Variants in UNC79 observed in about 807,000 individuals in gnomAD.
UNC79 encodes protein unc-79 homolog.
UNC79 carries 37 observed loss-of-function variants against 283.1 expected under a neutral mutation model. That is an observed-to-expected ratio of 0.13 (90% CI 0.10 to 0.17). The LOEUF (loss-of-function observed/expected upper bound fraction) is 0.17. Ranked by LOEUF, UNC79 falls within the 10% of genes least tolerant of loss-of-function variation. UNC79 has a pLI of 1.00. For missense variants in UNC79, 2,272 were observed against 3,211.1 expected (o/e 0.71, Z 7.07); for synonymous variants, 1,107 against 1,200.2 (o/e 0.92, Z 1.61).
intron 1 of UNC79, among the ~76,000 whole-genome samples, chr14:93,417,971 C>T (rs1272991633): frequency 6.6e-6 from 1 of 151,728 alleles, no homozygotes; most frequent in East Asian, 1.9e-4. Flanking sequence ...GTTTGAATTT[C>T]CTCCTGTAGC....
intron 1 of UNC79, among the ~76,000 whole-genome samples, chr14:93,377,101 T>C (rs1001669191): frequency 2.1e-5 from 3 of 144,206 alleles, no homozygotes; most frequent in African/African-American, 7.6e-5. Context: ...TGTTTCTTTT[T>C]TTTTTTTTTT....
chr14:93,535,849 A>G (rs968186827), intron 11 of UNC79, among the ~76,000 whole-genome samples: 1 of 152,170 alleles, frequency 6.6e-6, no homozygotes, highest in African/African-American at 2.4e-5. Flanking sequence ...CTGTCATGCT[A>G]TATTGGTTGA....
chr14:93,399,463 C>A (rs1276578303), intron 1 of UNC79, among the ~76,000 whole-genome samples: 1 of 152,172 alleles, frequency 6.6e-6, no homozygotes. Context: ...AGATACACAG[C>A]ATTAATTAAT....
At chr14:93,577,303 C>T (rs1173975489) in intron 17 of UNC79, among the ~76,000 whole-genome samples, 1 of 152,178 alleles carries the variant, frequency 6.6e-6, no homozygotes, top group South Asian at 2.1e-4. Context: ...ACTTCTTGGG[C>T]ATAGAGTAGG....
chr14:93,366,212 T>C (rs946320119), intron 1 of UNC79, among the ~76,000 whole-genome samples: 4 of 152,204 alleles, frequency 2.6e-5, no homozygotes, highest in African/African-American at 9.6e-5. Context: ...TTCAGGTGGA[T>C]TGTGGGTTGT....
rs79353685 is a variant in UNC79, at chr14:93,466,624, A to G, written c.23-1047A>G. On this transcript the variant is annotated intron_variant, in intron 1 of 48. Transcript: ENST00000555664. Reference sequence around the variant, plus strand: ...TGAGTTAGAATGCATCCAGGAGCTTATTTCCGTGGGTTATTGGGAACAGCA... The same window carrying G: ...TGAGTTAGAATGCATCCAGGAGCTTGTTTCCGTGGGTTATTGGGAACAGCA... Among the ~76,000 whole-genome samples the G allele has an allele frequency of 4.6e-3, 700 of 152,282 alleles. 3 individuals carry two copies. The highest frequency in any genetic ancestry group is 0.016 in the African/African-American group (665 of 41,552).
intron 1 of UNC79, among the ~76,000 whole-genome samples, chr14:93,396,196 C>T (rs1440517095): frequency 3.4e-5 from 5 of 149,078 alleles, no homozygotes; most frequent in African/African-American, 9.9e-5. Context: ...TTTTTCCTTT[C>T]AGTTTTTGTT....
chr14:93,338,988 C>T (rs1383011928), intron 1 of UNC79, among the ~76,000 whole-genome samples: 1 of 152,120 alleles, frequency 6.6e-6, no homozygotes, highest in Non-Finnish European at 1.5e-5. Flanking sequence ...TGGGCAGACC[C>T]CTTAACCAGA....
chr14:93,629,435 C>A (rs7149248), intron 30 of UNC79, among the ~76,000 whole-genome samples: 5,646 of 152,176 alleles, frequency 0.037, 347 homozygotes, highest in African/African-American at 0.13. Context: ...TCATAGCTGA[C>A]CTTTACTATC....
At chr14:93,377,139 C>T (rs1286505984) in intron 1 of UNC79, among the ~76,000 whole-genome samples, 1 of 148,810 alleles carries the variant, frequency 6.7e-6, no homozygotes, top group African/African-American at 2.5e-5. Context: ...CGCTCTGTCA[C>T]CCAGGCTGGA....
chr14:93,616,999 G>T, intron 27 of UNC79, 123 bp from the exon 29 acceptor site: 1 of 780,186 alleles, frequency 1.3e-6, no homozygotes, highest in Non-Finnish European at 2.0e-6. Context: ...TATTCTGTGG[G>T]ATGCCTGTTA....
intron 8 of UNC79, 107 bp downstream of exon 8, chr14:93,524,149 G>A: frequency 8.0e-7 from 1 of 1,247,860 alleles, no homozygotes; most frequent in African/African-American, 1.5e-5. Context: ...CATGTCCTCT[G>A]TAGTAATTCG....
chr14:93,614,724 T>C (rs1214035490), intron 27 of UNC79, among the ~76,000 whole-genome samples: 1 of 152,006 alleles, frequency 6.6e-6, no homozygotes, highest in Non-Finnish European at 1.5e-5. Flanking sequence ...TGCCACACCA[T>C]CATCACTGGC....
intron 31 of UNC79, among the ~76,000 whole-genome samples, chr14:93,631,326 A>G (rs1270343641): frequency 6.6e-6 from 1 of 152,226 alleles, no homozygotes; most frequent in Non-Finnish European, 1.5e-5. Flanking sequence ...GATCTAGGTT[A>G]TCGTAAAATA....
At chr14:93,363,784 T>C (rs1282103870) in intron 1 of UNC79, among the ~76,000 whole-genome samples, 1 of 152,044 alleles carries the variant, frequency 6.6e-6, no homozygotes, top group Non-Finnish European at 1.5e-5. Flanking sequence ...AGTGGTGCAA[T>C]CTGGGCTCAC....
intron 38 of UNC79, among the ~76,000 whole-genome samples, chr14:93,658,853 T>G (rs907752592): frequency 6.6e-6 from 1 of 152,152 alleles, no homozygotes; most frequent in Non-Finnish European, 1.5e-5. Flanking sequence ...TGTCCATCTA[T>G]TCATCCATCC....
chr14:93,382,439 C>T (rs1050910338), intron 1 of UNC79, among the ~76,000 whole-genome samples: 1 of 152,126 alleles, frequency 6.6e-6, no homozygotes, highest in East Asian at 1.9e-4. Flanking sequence ...GCAGAAAGGA[C>T]TGTGTATATA....
intron 7 of UNC79, among the ~76,000 whole-genome samples, chr14:93,507,984 T>C (rs1204449255): frequency 1.3e-5 from 2 of 152,192 alleles, no homozygotes; most frequent in East Asian, 3.8e-4. Flanking sequence ...CCCTTGGTCA[T>C]ATTTTTGTGG....
intron 1 of UNC79, among the ~76,000 whole-genome samples, chr14:93,424,117 T>G (rs1004413824): frequency 2.0e-5 from 3 of 152,238 alleles, no homozygotes; most frequent in African/African-American, 7.2e-5. Flanking sequence ...GAAAAGTTGC[T>G]CTACATCATT....
Sources: gnomAD v4.1 joint callset for allele counts (sites outside exome capture counted in the v4.1 genomes callset) on GRCh38, gnomAD v4.1.1 for gene constraint, MANE v1.5 for transcripts, NCBI Gene and HGNC (gene_info 2026-07-23, HGNC 2026-07-21) for gene names.